GXYLT1: variants seen among roughly 807,000 people sequenced by gnomAD.
The protein encoded by GXYLT1 is glycosyltransferase 8 domain containing 3.
Under a neutral mutation model 54.0 loss-of-function variants are expected in GXYLT1, and 29 were observed. The observed-to-expected ratio is 0.54, with a 90% confidence interval of 0.40 to 0.73. The LOEUF (loss-of-function observed/expected upper bound fraction) is 0.73. Among genes scored for constraint, GXYLT1 ranks in the 30% least tolerant of loss-of-function variants. GXYLT1 has a pLI of 0.00. For synonymous variants in GXYLT1, 176 were observed against 204.1 expected (o/e 0.86, Z 1.17); for missense variants, 490 against 553.4 (o/e 0.89, Z 1.15).
In GXYLT1 at chr12:42,085,129, T is replaced by A. The variant is rs1468156099; in HGVS notation, c.*2657A>T. 6.6e-6 allele frequency: 1 copy of A among 152,270 alleles called. No individual in the cohort carries two copies. The highest frequency in any genetic ancestry group is 1.5e-5 in the Non-Finnish European group (1 of 68,044). 9.4% of individuals were successfully genotyped at this position (152,270 alleles called of 1,614,324 possible). On this transcript the variant is annotated 3_prime_UTR_variant, in exon 8 of 8. Coordinates refer to ENST00000398675, the MANE Select transcript of GXYLT1 (RefSeq NM_173601.2). ...AGAATTACCTTGTCTAAAGATAAATTCAGAAAATTCATTTAAAAATTATTA... is the reference window on the plus strand; with the variant it reads ...AGAATTACCTTGTCTAAAGATAAATACAGAAAATTCATTTAAAAATTATTA...
chr12:42,088,012 T>C lies in GXYLT1; in HGVS notation c.1162-65A>G, dbSNP rs752874350. 283 of 741,572 alleles carry C rather than the reference T, an allele frequency of 3.8e-4. 3 individuals are homozygous for C. Among genetic ancestry groups the C allele is most frequent in the Non-Finnish European group, 4.8e-5 (23 of 483,874 alleles). 45.9% of individuals were successfully genotyped at this position (741,572 alleles called of 1,614,324 possible). ...GCAAAGGTACATATGTAAGTTCAATTATTTTCCAAACTTCTTCAATCAGTT... is the reference window on the plus strand; with the variant it reads ...GCAAAGGTACATATGTAAGTTCAATCATTTTCCAAACTTCTTCAATCAGTT... On this transcript the variant is annotated intron_variant, in intron 7 of 7. Coordinates refer to ENST00000398675, the MANE Select transcript of GXYLT1 (RefSeq NM_173601.2).
intron 3 of GXYLT1, among the ~76,000 whole-genome samples, chr12:42,112,725 T>G (rs997414818): frequency 2.0e-5 from 3 of 151,996 alleles, no homozygotes; most frequent in African/African-American, 4.8e-5. Flanking sequence ...CTGCAGGATA[T>G]TATCCAGCAG....
In GXYLT1 at chr12:42,116,679, G is replaced by A. The variant is rs191523114; in HGVS notation, c.486+2321C>T. Among the ~76,000 whole-genome samples the A allele has an allele frequency of 1.7e-3, 252 of 152,314 alleles. 3 individuals carry two copies. The highest frequency in any genetic ancestry group is 5.7e-3 in the African/African-American group (236 of 41,560). The stretch of plus-strand genomic sequence containing the variant: ...ATAGGAACACTTTGACACTGTTGGT[G>A]GGACTGTAAACTAGTTCAGCCATTG... On this transcript the variant is annotated intron_variant, in intron 3 of 7. Transcript: ENST00000398675.
chr12:42,123,147 A>C (rs1056659367), intron 2 of GXYLT1, among the ~76,000 whole-genome samples: 1 of 152,228 alleles, frequency 6.6e-6, no homozygotes, highest in Non-Finnish European at 1.5e-5. Flanking sequence ...GTTGAATGCA[A>C]TGTATGGTCC....
chr12:42,094,574 G>A (rs992128852), intron 7 of GXYLT1, among the ~76,000 whole-genome samples: 9 of 145,934 alleles, frequency 6.2e-5, no homozygotes, highest in East Asian at 2.1e-4. Flanking sequence ...TGGGAGGATC[G>A]CTTGAGTCCA....
chr12:42,141,124 G>C (rs185689497), intron 1 of GXYLT1, among the ~76,000 whole-genome samples: 3 of 152,304 alleles, frequency 2.0e-5, no homozygotes, highest in Non-Finnish European at 4.4e-5. Flanking sequence ...AAGTGACACA[G>C]AGTCAACAAA....
At chr12:42,097,681 A>T in intron 6 of GXYLT1, 67 bp from the exon 7 acceptor site, 1 of 1,382,296 alleles carries the variant, frequency 7.2e-7, no homozygotes, top group Non-Finnish European at 1.0e-6. Context: ...CATTATGCAA[A>T]ACTTTCAGTT....
chr12:42,124,045 A>C (rs2065546759), intron 2 of GXYLT1, among the ~76,000 whole-genome samples: 1 of 151,912 alleles, frequency 6.6e-6, no homozygotes, highest in Non-Finnish European at 1.5e-5. Flanking sequence ...AATACTTAAA[A>C]AAAAAAGCTA....
At chr12:42,129,735 A>G (rs1446789891) in intron 2 of GXYLT1, 24 bp downstream of exon 2, 2 of 1,464,726 alleles carry the variant, frequency 1.4e-6, no homozygotes, top group Non-Finnish European at 1.9e-6. Context: ...ACACTGATCT[A>G]CCAATTAAAT....
intron 1 of GXYLT1, 131 bp downstream of exon 1, chr12:42,144,295 G>C: frequency 2.0e-6 from 1 of 495,208 alleles, no homozygotes; most frequent in Non-Finnish European, 3.2e-6. Context: ...GGAGGGAAAT[G>C]AGTGAGGGGT....
chr12:42,110,745 T>C (rs1409997348), intron 3 of GXYLT1, among the ~76,000 whole-genome samples: 1 of 152,192 alleles, frequency 6.6e-6, no homozygotes, highest in East Asian at 1.9e-4. Context: ...ATACTAGCAC[T>C]GTCATTTCCC....
At chr12:42,100,587 T>C (rs2065384351) in intron 5 of GXYLT1, among the ~76,000 whole-genome samples, 1 of 151,828 alleles carries the variant, frequency 6.6e-6, no homozygotes, top group African/African-American at 2.4e-5. Context: ...TAAATTGATG[T>C]GCTACAACTG....
Position 42,108,490 on chromosome 12 carries a change from C to CT in GXYLT1, c.612+1075dup, listed in dbSNP as rs577274650. On this transcript the variant is annotated intron_variant, in intron 4 of 7. Coordinates refer to ENST00000398675, the MANE Select transcript of GXYLT1 (RefSeq NM_173601.2). ...AGGCACTCACATATTAATTAAATGA[C>CT]TGACACTGCAGTCATTCAATATAAA... Among the ~76,000 whole-genome samples the CT allele has an allele frequency of 7.3e-5, 11 of 149,692 alleles. No homozygotes were observed. The East Asian group carries it at 2.1e-3, about 29-fold the overall frequency.
chr12:42,118,891 C>T, intron 3 of GXYLT1, 109 bp downstream of exon 3: 1 of 790,190 alleles, frequency 1.3e-6, no homozygotes, highest in Non-Finnish European at 1.9e-6. Flanking sequence ...ATTACCAAGT[C>T]TCAGGTAGTT....
intron 2 of GXYLT1, among the ~76,000 whole-genome samples, chr12:42,119,423 A>T (rs895178444): frequency 2.0e-5 from 3 of 152,064 alleles, no homozygotes; most frequent in African/African-American, 7.2e-5. Context: ...GAAGAAAGAA[A>T]GGACAGAAAG....
intron 1 of GXYLT1, among the ~76,000 whole-genome samples, chr12:42,139,070 C>T (rs1260099176): frequency 6.6e-6 from 1 of 151,472 alleles, no homozygotes; most frequent in African/African-American, 2.4e-5. Flanking sequence ...GGTGTGCACG[C>T]CTGTAGTCAC....
chr12:42,118,146 A>T (rs1301337362), intron 3 of GXYLT1, among the ~76,000 whole-genome samples: 2 of 152,204 alleles, frequency 1.3e-5, no homozygotes, highest in South Asian at 2.1e-4. Context: ...AGCCACTGTT[A>T]TTTTGGGTTT....
chr12:42,118,927 TACA>T lies in GXYLT1; in HGVS notation c.486+70_486+72del, dbSNP rs2065512984. 2.6e-6 allele frequency: 3 copies of T among 1,142,210 alleles called. No individual in the cohort carries two copies. In the Admixed American group the frequency reaches 7.5e-5, roughly 29 times the overall value. The allele number at this position is 1,142,210 out of a possible 1,614,324, so 70.8% of individuals were successfully genotyped here. Reference sequence around the variant, plus strand: ...ATTTCTAGCAATGTGAACAGACTATTACAACAACATTCTATTATAGTATATTAT... The same window carrying T: ...ATTTCTAGCAATGTGAACAGACTATTACAACATTCTATTATAGTATATTAT... On this transcript the variant is annotated intron_variant, in intron 3 of 7. Transcript: ENST00000398675.
chr12:42,118,587 C>T (rs1249500789), intron 3 of GXYLT1, among the ~76,000 whole-genome samples: 5 of 152,200 alleles, frequency 3.3e-5, no homozygotes, highest in Non-Finnish European at 5.9e-5. Flanking sequence ...TATGGTTTGG[C>T]TCTGTGTTGC....
Sources: allele counts gnomAD v4.1 joint callset (sites outside exome capture counted in the v4.1 genomes callset), GRCh38; gene constraint gnomAD v4.1.1; transcripts MANE v1.5; gene names NCBI Gene and HGNC (gene_info 2026-07-23, HGNC 2026-07-21).